The following SLX9 variants were observed in gnomAD, a reference collection of about 807,000 sequenced individuals.
SLX9 encodes the protein ribosome biogenesis protein SLX9 homolog.
SLX9 carries 19 observed loss-of-function variants against 20.8 expected under a neutral mutation model. The observed-to-expected ratio is 0.91, with a 90% CI of 0.64 to 1.34. SLX9 has a LOEUF of 1.34. Ranked by LOEUF, SLX9 falls within the 40% of genes most tolerant of loss-of-function variation. SLX9 has a pLI of 0.00. For missense variants in SLX9, 299 were observed against 322.2 expected, an observed-to-expected ratio of 0.93 and a Z score of 0.55; for synonymous variants, 113 against 137.1, an observed-to-expected ratio of 0.82 and a Z score of 1.23.
chr21:44,964,785 A>G (rs55923316), intron 3 of SLX9, among the ~76,000 whole-genome samples: 1 of 152,240 alleles, frequency 6.6e-6, no homozygotes, highest in Admixed American at 6.5e-5. Context: ...ATGAGGTGCA[A>G]CATTTCCTTG....
At chr21:44,955,824 G>A (rs565179030) in intron 2 of SLX9, among the ~76,000 whole-genome samples, 1 of 152,304 alleles carries the variant, frequency 6.6e-6, no homozygotes, top group East Asian at 1.9e-4. Flanking sequence ...CCTTGAAAAC[G>A]GAGTAAAGAC....
intron 2 of SLX9, among the ~76,000 whole-genome samples, chr21:44,957,046 T>A (rs1369233816): frequency 6.6e-6 from 1 of 152,266 alleles, no homozygotes; most frequent in African/African-American, 2.4e-5. Context: ...GCGTCTCACC[T>A]TCCCTTTTCT....
At chr21:44,950,464 T>C (rs2084735102) in intron 2 of SLX9, among the ~76,000 whole-genome samples, 1 of 152,222 alleles carries the variant, frequency 6.6e-6, no homozygotes, top group African/African-American at 2.4e-5. Context: ...GGCTGCGTGG[T>C]GCGGCGGCTG....
At chr21:44,974,073 A>T (rs1243834859) in intron 5 of SLX9, among the ~76,000 whole-genome samples, 1 of 152,238 alleles carries the variant, frequency 6.6e-6, no homozygotes, top group Non-Finnish European at 1.5e-5. Flanking sequence ...CCTCTTGGGT[A>T]CAAAAATCTC....
intron 2 of SLX9, among the ~76,000 whole-genome samples, chr21:44,945,268 T>A (rs2146610294): frequency 6.6e-6 from 1 of 152,310 alleles, no homozygotes; most frequent in East Asian, 1.9e-4. Flanking sequence ...CCAGGCCAGG[T>A]AACTCCAGAG....
intron 4 of SLX9, 126 bp downstream of exon 4, chr21:44,967,307 C>T (rs1601414150): frequency 1.5e-6 from 2 of 1,328,712 alleles, no homozygotes; most frequent in Non-Finnish European, 2.0e-6. Context: ...AGAGCTGGGG[C>T]TCCAGCCGGT....
intron 3 of SLX9, among the ~76,000 whole-genome samples, chr21:44,966,487 A>C (rs1329324529): frequency 6.6e-6 from 1 of 152,172 alleles, no homozygotes; most frequent in Non-Finnish European, 1.5e-5. Flanking sequence ...TCAAATCCCA[A>C]GGCCATACCC....
intron 2 of SLX9, among the ~76,000 whole-genome samples, chr21:44,954,144 T>G (rs114530819): frequency 0.015 from 2,218 of 152,000 alleles, 64 homozygotes; most frequent in African/African-American, 0.05. Flanking sequence ...TGGGGGTGGG[T>G]GTGGAGTGTG....
At chr21:44,959,698 G>A (rs1000072434) in intron 2 of SLX9, among the ~76,000 whole-genome samples, 2 of 152,244 alleles carry the variant, frequency 1.3e-5, no homozygotes, top group Non-Finnish European at 2.9e-5. Flanking sequence ...AGGATCTTGG[G>A]GATGTCCCCC....
At chr21:44,970,577 C>T (rs1441415472) in intron 4 of SLX9, among the ~76,000 whole-genome samples, 3 of 152,184 alleles carry the variant, frequency 2.0e-5, no homozygotes, top group Non-Finnish European at 2.9e-5. Flanking sequence ...TGGGGTTTGG[C>T]GTGCCTGGGC....
chr21:44,955,566 A>ATT (rs1336400053), intron 2 of SLX9, among the ~76,000 whole-genome samples: 1 of 152,040 alleles, frequency 6.6e-6, no homozygotes, highest in African/African-American at 2.4e-5. Context: ...CCCAGGCTGG[A>ATT]GTGCAGTGGT....
intron 1 of SLX9, among the ~76,000 whole-genome samples, chr21:44,942,336 C>T (rs555876612): frequency 1.8e-4 from 27 of 152,308 alleles, no homozygotes; most frequent in African/African-American, 5.8e-4. Flanking sequence ...ACTGTTCCCC[C>T]GTGAGTCTGA....
chr21:44,951,001 C>G (rs527735562), intron 2 of SLX9, among the ~76,000 whole-genome samples: 1 of 152,124 alleles, frequency 6.6e-6, no homozygotes, highest in Non-Finnish European at 1.5e-5. Flanking sequence ...CACGTGGCGG[C>G]GACTGGGTAC....
chr21:44,974,763 T>C (rs188578204), intron 5 of SLX9, among the ~76,000 whole-genome samples: 268 of 152,262 alleles, frequency 1.8e-3, no homozygotes, highest in Non-Finnish European at 3.1e-3. Flanking sequence ...ATGAACTGAG[T>C]TCTTCCCAGG....
chr21:44,944,855 T>C (rs1173880584), intron 2 of SLX9, among the ~76,000 whole-genome samples: 1 of 152,238 alleles, frequency 6.6e-6, no homozygotes, highest in Non-Finnish European at 1.5e-5. Context: ...ACTTGATCGC[T>C]CTGGGCCTGG....
At chr21:44,955,208 A>AG (rs1491195655) in intron 2 of SLX9, among the ~76,000 whole-genome samples, 484 of 3,096 alleles carry the variant, frequency 0.16, no homozygotes, top group Admixed American at 0.21. Flanking sequence ...ACTTTGTCTC[A>AG]AAAAAAAAAA....
rs984543796 is a variant in SLX9 at position 44,940,325 on chromosome 21, CCTT to C, written c.129+143_129+145del. On this transcript the variant is annotated intron_variant, in intron 1 of 5. Transcript: ENST00000291634. Reference sequence around the variant, plus strand: ...GGCATTTGCTGCGCTACAGACGCGACCTTCTTGCTTCGCGAAGCGTCGTAAACT... The same window carrying C: ...GGCATTTGCTGCGCTACAGACGCGACCTTGCTTCGCGAAGCGTCGTAAACT... The C allele has an allele frequency of 4.3e-6, 5 of 1,150,190 alleles. No individual in the cohort carries two copies. The African/African-American group carries it at 6.5e-5, about 15-fold the overall frequency. The allele number at this position is 1,150,190 out of a possible 1,614,324, so 71.2% of individuals were successfully genotyped here.
Position 44,960,083 on chromosome 21 carries a change from G to A in SLX9, c.284-17G>A, listed in dbSNP as rs368179918. 4.2e-5 allele frequency: 68 copies of A among 1,613,838 alleles called. No homozygotes were observed. In the Middle Eastern group the frequency reaches 6.6e-4, roughly 16 times the overall value. On this transcript the variant is annotated splice_polypyrimidine_tract_variant and intron_variant, in intron 2 of 5. Transcript: ENST00000291634. ...ACCTGGACACGTTTTGCTCACTCCC[G>A]TGTTCTCTTTCCTCAGGTGCAGAGG...
rs900660895 is a variant in SLX9, at chr21:44,971,717, G to T, written c.501-1480G>T. 2.6e-5 allele frequency among the ~76,000 whole-genome samples: 4 copies of T among 152,152 alleles called. 1 individual carries two copies. The highest frequency in any genetic ancestry group is 9.7e-5 in the African/African-American group (4 of 41,416). Reference sequence around the variant, plus strand: ...CTAGAGGAGGGGCCCCACGCTGATGGCTTCTGCAAGGATGGGGACCGGGGA... The same window carrying T: ...CTAGAGGAGGGGCCCCACGCTGATGTCTTCTGCAAGGATGGGGACCGGGGA... On this transcript the variant is annotated intron_variant, in intron 4 of 5. Transcript: ENST00000291634.
Sources: allele counts gnomAD v4.1 joint callset (sites outside exome capture counted in the v4.1 genomes callset), GRCh38; gene constraint gnomAD v4.1.1; transcripts MANE v1.5; gene names NCBI Gene and HGNC (gene_info 2026-07-23, HGNC 2026-07-21).